DSCAM: variants seen among roughly 807,000 people sequenced by gnomAD.
DSCAM encodes cell adhesion molecule DSCAM.
DSCAM carries 47 observed loss-of-function variants against 217.7 expected under a neutral mutation model. That is an observed-to-expected ratio of 0.22 (90% confidence interval 0.17 to 0.28). The LOEUF (loss-of-function observed/expected upper bound fraction) is 0.28. Among genes scored for constraint, DSCAM ranks in the 10% least tolerant of loss-of-function variants. DSCAM has a pLI of 1.00. For synonymous variants in DSCAM, 1,056 were observed against 1,015.3 expected (o/e 1.04, Z -0.76); for missense variants, 2,080 against 2,618.3 (o/e 0.79, Z 4.49).
intron 11 of DSCAM, among the ~76,000 whole-genome samples, chr21:40,271,208 G>A (rs775468031): frequency 2.0e-5 from 3 of 152,194 alleles, no homozygotes; most frequent in Non-Finnish European, 4.4e-5. Flanking sequence ...GGAGGAGGGA[G>A]ACCACATTAC....
chr21:40,219,165 A>G (rs1337934277), intron 11 of DSCAM, among the ~76,000 whole-genome samples: 1 of 152,146 alleles, frequency 6.6e-6, no homozygotes, highest in Non-Finnish European at 1.5e-5. Context: ...TACCTAGTTT[A>G]TTGAGAGTTT....
intron 10 of DSCAM, among the ~76,000 whole-genome samples, chr21:40,295,250 T>A (rs2073941462): frequency 6.6e-6 from 1 of 151,800 alleles, no homozygotes; most frequent in Admixed American, 6.6e-5. Flanking sequence ...CCTCAACTAA[T>A]ATAGTACTGA....
chr21:40,442,272 A>C (rs144947137), intron 3 of DSCAM, among the ~76,000 whole-genome samples: 1,552 of 152,254 alleles, frequency 0.01, 12 homozygotes, highest in Middle Eastern at 0.024. Flanking sequence ...ATTTACATGC[A>C]TATGTGTAGA....
At chr21:40,268,208 A>T (rs1375835276) in intron 11 of DSCAM, among the ~76,000 whole-genome samples, 1 of 152,212 alleles carries the variant, frequency 6.6e-6, no homozygotes, top group Non-Finnish European at 1.5e-5. Context: ...TTTGTGCTGC[A>T]TGACGGTGAA....
intron 1 of DSCAM, among the ~76,000 whole-genome samples, chr21:40,727,906 G>A (rs1215074446): frequency 1.3e-5 from 2 of 152,054 alleles, no homozygotes; most frequent in Non-Finnish European, 2.9e-5. Flanking sequence ...TGGCCTCCTT[G>A]TCGTCTCTAG....
chr21:40,706,529 C>A (rs1218018996), intron 2 of DSCAM, among the ~76,000 whole-genome samples: 4 of 152,132 alleles, frequency 2.6e-5, no homozygotes, highest in Admixed American at 6.5e-5. Context: ...AGTCATTCTA[C>A]CTAATAGCTT....
In DSCAM at chr21:40,142,411, T is replaced by A. The variant is rs1181124841; in HGVS notation, c.3406+147A>T. ...CAAAGAGACCTGTTCAAATGTCAGA[T>A]GAGGGATGACAGAAAAGGGGAAAGT... On this transcript the variant is annotated intron_variant, in intron 18 of 32. Transcript: ENST00000400454. The A allele has an allele frequency of 6.5e-5, 56 of 862,272 alleles. No homozygotes were observed. In the Admixed American group the frequency reaches 1.5e-3, roughly 23 times the overall value. 53.4% of individuals were successfully genotyped at this position (862,272 alleles called of 1,614,324 possible).
At chr21:40,556,664 A>AGAGG (rs1555856744) in intron 3 of DSCAM, among the ~76,000 whole-genome samples, 59 of 151,392 alleles carry the variant, frequency 3.9e-4, no homozygotes. Context: ...AGAGAGAGAG[A>AGAGG]GGGGAGGTAC....
Position 40,189,125 on chromosome 21 carries a change from C to T in DSCAM, c.2470G>A (p.Glu824Lys). The part of the protein sequence containing the change: ...EKPIIVRWEK[E>K]DRIINPEMAR... ...ATCTCAGGGTTAATGATTCGGTCCT[C>T]CTTCTCCCAGCGGACTATAATGGGC... Residue 824 changes from glutamate (E) to lysine (K), a missense_variant, in exon 12 of 33, where the codon GAG (glutamate) becomes AAG (lysine). Physicochemically the swap from Glu to Lys is moderately conservative, Grantham distance 56 (BLOSUM62 1). Coordinates refer to ENST00000400454, the MANE Select transcript of DSCAM (RefSeq NM_001389.5). The T allele has an allele frequency of 6.2e-7, 1 of 1,614,188 alleles. No homozygotes were observed. The highest frequency in any genetic ancestry group is 8.5e-7 in the Non-Finnish European group (1 of 1,180,034).
At chr21:40,606,803 A>C (rs1184426992) in intron 3 of DSCAM, among the ~76,000 whole-genome samples, 1 of 152,162 alleles carries the variant, frequency 6.6e-6, no homozygotes, top group Non-Finnish European at 1.5e-5. Context: ...GAATTCCCAC[A>C]TATTTTGGGA....
intron 1 of DSCAM, among the ~76,000 whole-genome samples, chr21:40,744,822 A>G (rs908171065): frequency 6.6e-6 from 1 of 152,248 alleles, no homozygotes; most frequent in Non-Finnish European, 1.5e-5. Flanking sequence ...TGGACCCAGA[A>G]GAATTAAATA....
chr21:40,230,218 A>G (rs954671947), intron 11 of DSCAM, among the ~76,000 whole-genome samples: 2 of 152,212 alleles, frequency 1.3e-5, no homozygotes, highest in African/African-American at 2.4e-5. Context: ...TGGGTGAAGA[A>G]GTGTTCTATC....
chr21:40,398,641 T>C (rs556921181), intron 3 of DSCAM, among the ~76,000 whole-genome samples: 11 of 148,868 alleles, frequency 7.4e-5, no homozygotes, highest in South Asian at 2.2e-4. Context: ...TTCTTTCTTT[T>C]TTTTTTTTTT....
At chr21:40,043,407 T>C (rs1447911453) in intron 31 of DSCAM, among the ~76,000 whole-genome samples, 3 of 152,196 alleles carry the variant, frequency 2.0e-5, no homozygotes, top group Non-Finnish European at 2.9e-5. Flanking sequence ...GATCCTCCTC[T>C]GGAACACTGT....
chr21:40,505,678 C>G (rs117577590), intron 3 of DSCAM, among the ~76,000 whole-genome samples: 1,536 of 152,296 alleles, frequency 0.01, 14 homozygotes, highest in Non-Finnish European at 0.018. Context: ...TGCTAAGGTA[C>G]AGGGTGGCTG....
At chr21:40,475,344 G>A (rs1478349541) in intron 3 of DSCAM, among the ~76,000 whole-genome samples, 1 of 152,194 alleles carries the variant, frequency 6.6e-6, no homozygotes, top group African/African-American at 2.4e-5. Flanking sequence ...AACTGGCTCA[G>A]CAAGATCCCT....
intron 3 of DSCAM, among the ~76,000 whole-genome samples, chr21:40,489,230 G>C (rs368220053): frequency 6.6e-6 from 1 of 152,098 alleles, no homozygotes; most frequent in Non-Finnish European, 1.5e-5. Context: ...TCCCTAATGC[G>C]GGTGACCTCA....
At chr21:40,702,530 T>C (rs1403029145) in intron 2 of DSCAM, among the ~76,000 whole-genome samples, 1 of 152,200 alleles carries the variant, frequency 6.6e-6, no homozygotes, top group African/African-American at 2.4e-5. Context: ...ATTTGTGCCT[T>C]TGTATTTAAA....
chr21:40,027,282 C>T (rs1301448716), intron 32 of DSCAM, among the ~76,000 whole-genome samples: 12 of 152,410 alleles, frequency 7.9e-5, no homozygotes, highest in South Asian at 6.2e-4. Flanking sequence ...GAGGGTAACC[C>T]GACCTTTCTC....
Sources: allele counts gnomAD v4.1 joint callset (sites outside exome capture counted in the v4.1 genomes callset), GRCh38; gene constraint gnomAD v4.1.1; transcripts MANE v1.5; gene names NCBI Gene and HGNC (gene_info 2026-07-23, HGNC 2026-07-21).